The following IFT88 variants were observed in gnomAD, a reference collection of about 807,000 sequenced individuals.
The protein encoded by IFT88 is intraflagellar transport 88, also known as intraflagellar transport protein 88 homolog.
IFT88 carries 74 observed loss-of-function variants against 119.5 expected under a neutral mutation model. That is an observed-to-expected ratio of 0.62 (90% CI 0.51 to 0.75). The LOEUF (loss-of-function observed/expected upper bound fraction) is 0.75, where lower values mean the gene tolerates loss of function less well. Among genes scored for constraint, IFT88 ranks in the 30% least tolerant of loss-of-function variants. The probability of loss-of-function intolerance (pLI) is 0.00; values close to 1 mark genes in which losing one functional copy is unlikely to be tolerated. For missense variants in IFT88, 961 were observed against 977.7 expected, an observed-to-expected ratio of 0.98 and a Z score of 0.23; for synonymous variants, 279 against 316.7, an observed-to-expected ratio of 0.88 and a Z score of 1.26.
At chr13:20,669,493 G>A (rs1388516722) in intron 23 of IFT88, among the ~76,000 whole-genome samples, 2 of 147,870 alleles carry the variant, frequency 1.4e-5, no homozygotes, top group Admixed American at 1.4e-4. Context: ...GTGTGATCTC[G>A]GCTCACTGCA....
chr13:20,644,632 A>G (rs1033684214), intron 19 of IFT88, among the ~76,000 whole-genome samples: 5 of 152,134 alleles, frequency 3.3e-5, no homozygotes, highest in African/African-American at 1.2e-4. Context: ...TGTTATATCA[A>G]AAGTATAGAT....
chr13:20,619,637 G>T (rs912679027), intron 14 of IFT88, among the ~76,000 whole-genome samples: 5 of 151,580 alleles, frequency 3.3e-5, no homozygotes, highest in African/African-American at 1.2e-4. Flanking sequence ...TGGGTGTTGT[G>T]ATTTGCAGTT....
At chr13:20,660,997 T>C (rs1377820434) in intron 22 of IFT88, among the ~76,000 whole-genome samples, 1 of 152,230 alleles carries the variant, frequency 6.6e-6, no homozygotes, top group Non-Finnish European at 1.5e-5. Flanking sequence ...TTTAAGACTT[T>C]CCTGTTTCTT....
At chr13:20,570,416 G>C (rs575864382) in intron 1 of IFT88, among the ~76,000 whole-genome samples, 1 of 152,190 alleles carries the variant, frequency 6.6e-6, no homozygotes, top group South Asian at 2.1e-4. Context: ...GCTAAAACTT[G>C]TACACACACA....
chr13:20,656,515 T>C lies in IFT88; in HGVS notation c.2068+85T>C, dbSNP rs1436599212. 1.3e-5 allele frequency: 7 copies of C among 548,232 alleles called. No homozygotes were observed. In the Admixed American group the frequency reaches 1.4e-4, roughly 11 times the overall value. 34.0% of individuals were successfully genotyped at this position (548,232 alleles called of 1,614,324 possible). On this transcript the variant is annotated intron_variant, in intron 22 of 25. Transcript: ENST00000351808. Reference sequence around the variant, plus strand: ...TATATAATTACCTTTGCTACAGTAATTGTATACGTAAATACCAACCTATAA... The same window carrying C: ...TATATAATTACCTTTGCTACAGTAACTGTATACGTAAATACCAACCTATAA...
At chr13:20,643,776 T>G (rs1156508135) in intron 19 of IFT88, among the ~76,000 whole-genome samples, 171 bp downstream of exon 19, 1 of 152,226 alleles carries the variant, frequency 6.6e-6, no homozygotes, top group Non-Finnish European at 1.5e-5. Flanking sequence ...TGTTTTGAGA[T>G]AGAGTCTTGC....
At chr13:20,687,963 A>C (rs1265991152) in intron 24 of IFT88, among the ~76,000 whole-genome samples, 1 of 152,258 alleles carries the variant, frequency 6.6e-6, no homozygotes, top group Non-Finnish European at 1.5e-5. Context: ...AAAAGGCCAG[A>C]GCAGAGGTCG....
chr13:20,617,233 C>A (rs1266617528), intron 14 of IFT88, among the ~76,000 whole-genome samples: 4 of 151,988 alleles, frequency 2.6e-5, no homozygotes, highest in African/African-American at 7.3e-5. Flanking sequence ...GCACAATTTG[C>A]TAGTGTGTTT....
Position 20,661,936 on chromosome 13 carries a change from C to T in IFT88, c.2069-1562C>T, listed in dbSNP as rs915530211. ...AAAATGGGAGGGGTGCTGGCTGCTTCTGAAAACAGGAGGGTTGGCTGCAAG... is the reference window on the plus strand; with the variant it reads ...AAAATGGGAGGGGTGCTGGCTGCTTTTGAAAACAGGAGGGTTGGCTGCAAG... On this transcript the variant is annotated intron_variant, in intron 22 of 25. Transcript: ENST00000351808. 7.2e-5 allele frequency among the ~76,000 whole-genome samples: 11 copies of T among 152,090 alleles called. No individual in the cohort carries two copies. The East Asian group carries it at 1.3e-3, about 19-fold the overall frequency.
intron 3 of IFT88, among the ~76,000 whole-genome samples, chr13:20,585,732 T>C (rs1035315515): frequency 2.6e-5 from 4 of 152,192 alleles, no homozygotes; most frequent in Non-Finnish European, 5.9e-5. Context: ...TAGAAATCAT[T>C]TCCTAGGAGC....
intron 24 of IFT88, among the ~76,000 whole-genome samples, chr13:20,684,174 A>G (rs2057629242): frequency 1.3e-5 from 2 of 152,222 alleles, no homozygotes. Flanking sequence ...AGAACTGCCA[A>G]GCATCCATAT....
intron 13 of IFT88, chr13:20,612,092 A>G (rs2044655198): frequency 6.7e-6 from 1 of 150,032 alleles, no homozygotes; most frequent in South Asian, 2.1e-4. Flanking sequence ...AACTGTTAGA[A>G]TAAATGAGGT....
At chr13:20,688,068 G>A (rs946251625) in intron 24 of IFT88, among the ~76,000 whole-genome samples, 4 of 152,228 alleles carry the variant, frequency 2.6e-5, no homozygotes, top group African/African-American at 7.2e-5. Context: ...GGGCACGGTG[G>A]CTGAAGCCTG....
intron 23 of IFT88, among the ~76,000 whole-genome samples, chr13:20,667,625 G>A (rs1259401662): frequency 8.0e-6 from 1 of 125,056 alleles, no homozygotes; most frequent in East Asian, 2.3e-4. Context: ...TTTTTTTTTA[G>A]TAGAGGCAGG....
intron 3 of IFT88, among the ~76,000 whole-genome samples, chr13:20,586,246 T>C (rs1173323816): frequency 6.6e-6 from 1 of 152,228 alleles, no homozygotes; most frequent in Non-Finnish European, 1.5e-5. Flanking sequence ...CTACTTGTTA[T>C]ATTACATGGG....
rs146263103 is a variant in IFT88, at chr13:20,619,620, A to G, written c.1199+3741A>G. Reference sequence around the variant, plus strand: ...AATATGTAAAAATGTATCCATTTCAATGTGACTGGGTGTTGTGATTTGCAG... The same window carrying G: ...AATATGTAAAAATGTATCCATTTCAGTGTGACTGGGTGTTGTGATTTGCAG... On this transcript the variant is annotated intron_variant, in intron 14 of 25. Transcript: ENST00000351808. Among the ~76,000 whole-genome samples the G allele has an allele frequency of 8.2e-4, 125 of 151,998 alleles. 1 individual carries two copies. The highest frequency in any genetic ancestry group is 2.9e-3 in the African/African-American group (120 of 41,466).
chr13:20,597,089 A>G lies in IFT88; in HGVS notation c.564A>G (p.Pro188=), dbSNP rs537688415. The change falls in exon 9 of 26, where the codon CCA becomes CCG. Residue 188 remains proline, a synonymous_variant. Transcript: ENST00000351808. ...GACAGCGAGAACAAGTTACAACTCC[A>G]GAAAATATCAATTTGGATTTAACTT... ...LVRQREQVTT[P]ENINLDLTYS... 3.1e-5 allele frequency: 49 copies of G among 1,600,586 alleles called. 1 individual carries two copies. In the South Asian group the frequency reaches 5.2e-4, roughly 17 times the overall value.
chr13:20,626,761 A>G (rs1490015324), intron 15 of IFT88, among the ~76,000 whole-genome samples: 1 of 152,200 alleles, frequency 6.6e-6, no homozygotes, highest in Non-Finnish European at 1.5e-5. Flanking sequence ...AGGCTTAGAC[A>G]GGTGTAAGAA....
chr13:20,583,294 C>T (rs73431325), intron 3 of IFT88, among the ~76,000 whole-genome samples: 3,077 of 152,226 alleles, frequency 0.02, 93 homozygotes, highest in African/African-American at 0.07. Flanking sequence ...ATTTAGATAC[C>T]TTACATAAGT....
Sources: gnomAD v4.1 joint callset for allele counts (sites outside exome capture counted in the v4.1 genomes callset) on GRCh38, gnomAD v4.1.1 for gene constraint, MANE v1.5 for transcripts, NCBI Gene and HGNC (gene_info 2026-07-23, HGNC 2026-07-21) for gene names.